WDPCP: variants seen among roughly 807,000 people sequenced by gnomAD.
The protein encoded by WDPCP is WD repeat containing planar cell polarity effector.
Under a neutral mutation model 93.1 loss-of-function variants are expected in WDPCP, and 71 were observed. That is an observed-to-expected ratio of 0.76 (90% confidence interval 0.63 to 0.93). The LOEUF (loss-of-function observed/expected upper bound fraction) is 0.93, where lower values mean the gene tolerates loss of function less well. Ranked by LOEUF, WDPCP falls within the 40% of genes least tolerant of loss-of-function variation. The probability of loss-of-function intolerance (pLI) is 0.00; values close to 1 mark genes in which losing one functional copy is unlikely to be tolerated. For missense variants in WDPCP, 844 were observed against 887.4 expected, an observed-to-expected ratio of 0.95 and a Z score of 0.62; for synonymous variants, 315 against 315.0, an observed-to-expected ratio of 1.00 and a Z score of 0.00.
chr2:63,351,754 T>A (rs971231586), intron 12 of WDPCP, among the ~76,000 whole-genome samples: 8 of 152,196 alleles, frequency 5.3e-5, no homozygotes, highest in Admixed American at 2.0e-4. Context: ...GTCTTTTTGG[T>A]AGAATGATTT....
chr2:63,620,171 G>A (rs1482465670), intron 3 of WDPCP, among the ~76,000 whole-genome samples: 1 of 152,176 alleles, frequency 6.6e-6, no homozygotes, highest in African/African-American at 2.4e-5. Context: ...CAGTGTGACA[G>A]AAGCGTTCAC....
intron 12 of WDPCP, among the ~76,000 whole-genome samples, chr2:63,338,202 A>G (rs1037801633): frequency 6.6e-6 from 1 of 152,020 alleles, no homozygotes; most frequent in African/African-American, 2.4e-5. Context: ...GTCTACCTTC[A>G]TTGTTCTTCA....
intron 6 of WDPCP, among the ~76,000 whole-genome samples, chr2:63,449,660 T>C (rs375917987): frequency 3.0e-4 from 46 of 152,146 alleles, no homozygotes; most frequent in African/African-American, 9.9e-4. Flanking sequence ...ACCCCGACAT[T>C]AGCATGGTGT....
intron 6 of WDPCP, among the ~76,000 whole-genome samples, chr2:63,479,878 C>G (rs1160877534): frequency 6.6e-6 from 1 of 151,996 alleles, no homozygotes; most frequent in East Asian, 1.9e-4. Context: ...AAGTCTCAGC[C>G]AGAGCAATCA....
At chr2:63,305,820 G>A (rs1334437181) in intron 13 of WDPCP, among the ~76,000 whole-genome samples, 1 of 151,894 alleles carries the variant, frequency 6.6e-6, no homozygotes, top group Non-Finnish European at 1.5e-5. Flanking sequence ...AAAGTTAGAG[G>A]AATTGCTAAC....
At chr2:63,282,256 C>T (rs551443414) in intron 13 of WDPCP, among the ~76,000 whole-genome samples, 1 of 152,308 alleles carries the variant, frequency 6.6e-6, no homozygotes, top group Admixed American at 6.5e-5. Context: ...CCTGTAATCC[C>T]AGCACTTTGG....
intron 17 of WDPCP, among the ~76,000 whole-genome samples, chr2:63,126,791 T>G (rs1487711529): frequency 6.7e-6 from 1 of 149,862 alleles, no homozygotes; most frequent in Non-Finnish European, 1.5e-5. Flanking sequence ...TGATCTTGCC[T>G]CAGCCTCCCA....
chr2:63,591,482 G>A (rs1370084900), upstream of WDPCP, among the ~76,000 whole-genome samples: 2 of 152,224 alleles, frequency 1.3e-5, no homozygotes, highest in African/African-American at 4.8e-5. Context: ...ACTAAGGACT[G>A]TGATACTGTG....
intron 3 of WDPCP, among the ~76,000 whole-genome samples, chr2:63,629,824 T>C (rs1709845949): frequency 1.3e-5 from 2 of 152,214 alleles, no homozygotes; most frequent in South Asian, 4.1e-4. Context: ...GAGAAAGCCA[T>C]GTAAAACAAA....
At chr2:63,600,692 A>T (rs1409672255) in intron 3 of WDPCP, among the ~76,000 whole-genome samples, 2 of 152,192 alleles carry the variant, frequency 1.3e-5, no homozygotes, top group Non-Finnish European at 2.9e-5. Flanking sequence ...GTTGTTGGAT[A>T]ACAACCCTTA....
intron 3 of WDPCP, chr2:63,599,718 TC>T (rs1283517572): frequency 6.6e-6 from 1 of 152,266 alleles, no homozygotes; most frequent in Non-Finnish European, 1.5e-5. Context: ...GCCATCAAAT[TC>T]AGATTTTAAT....
chr2:63,725,167 C>T (rs767621715), intron 2 of WDPCP, among the ~76,000 whole-genome samples: 7 of 152,038 alleles, frequency 4.6e-5, no homozygotes, highest in South Asian at 2.1e-4. Context: ...GCACAGTACT[C>T]GATAGATAGT....
chr2:63,571,677 C>T (rs551960370), intron 1 of WDPCP: 8 of 463,120 alleles, frequency 1.7e-5, no homozygotes, highest in Non-Finnish European at 3.6e-5. Context: ...CTAGAAGTGG[C>T]TCGTATTTTA....
At chr2:63,205,096 G>C (rs940479264) in intron 14 of WDPCP, among the ~76,000 whole-genome samples, 1 of 152,150 alleles carries the variant, frequency 6.6e-6, no homozygotes, top group Admixed American at 6.5e-5. Context: ...TTATTGAAGA[G>C]ATTGTCTTTC....
intron 13 of WDPCP, among the ~76,000 whole-genome samples, chr2:63,295,130 C>T (rs1684747317): frequency 6.6e-6 from 1 of 151,798 alleles, no homozygotes; most frequent in Non-Finnish European, 1.5e-5. Flanking sequence ...CCCATGATAA[C>T]TGCAAAGAAA....
At chr2:63,542,709 A>T (rs899386330) in intron 1 of WDPCP, among the ~76,000 whole-genome samples, 5 of 152,196 alleles carry the variant, frequency 3.3e-5, no homozygotes, top group Non-Finnish European at 5.9e-5. Context: ...ATAAATTTAA[A>T]ATGAAAATAT....
At position 63,259,354 on chromosome 2, in the gene WDPCP, C is replaced by T; in HGVS notation, c.1868G>A (p.Arg623Lys). The change falls in exon 14 of 18, where the codon AGA (arginine) becomes AAA (lysine). Residue 623 changes from arginine to lysine, a missense_variant. Transcript: ENST00000272321. ...TGCATCAATGTCACTAGCTCTTTTT[C>T]TTGCCACTTCAGCTAGTGCCAATTC... ...KGELALAEVA[R>K]KRASDIDAES... The T allele has an allele frequency of 6.2e-7, 1 of 1,612,738 alleles. No individual in the cohort carries two copies. Among genetic ancestry groups the T allele is most frequent in the Non-Finnish European group, 8.5e-7 (1 of 1,179,594 alleles).
At chr2:63,764,966 G>T (rs1282563517) in intron 2 of WDPCP, among the ~76,000 whole-genome samples, 1 of 152,178 alleles carries the variant, frequency 6.6e-6, no homozygotes, top group Admixed American at 6.6e-5. Flanking sequence ...CTAAGAGGGA[G>T]TCCTAAACTA....
At chr2:63,284,224 A>G (rs933850267) in intron 13 of WDPCP, among the ~76,000 whole-genome samples, 3 of 152,234 alleles carry the variant, frequency 2.0e-5, no homozygotes. Context: ...TACACTATCC[A>G]TGAAGTGGTA....
Sources: gnomAD v4.1 joint callset for allele counts (sites outside exome capture counted in the v4.1 genomes callset) on GRCh38, gnomAD v4.1.1 for gene constraint, MANE v1.5 for transcripts, NCBI Gene and HGNC (gene_info 2026-07-23, HGNC 2026-07-21) for gene names.